Variants in GPBP1 observed in about 807,000 individuals in gnomAD.
GPBP1 encodes the protein vasculin.
GPBP1 carries 13 observed loss-of-function variants against 56.5 expected under a neutral mutation model. That is an observed-to-expected ratio of 0.23 (90% CI 0.15 to 0.37). The LOEUF is 0.37. GPBP1 is among the 10% of genes least tolerant of loss of function. The probability of loss-of-function intolerance (pLI) is 1.00; values close to 1 mark genes in which losing one functional copy is unlikely to be tolerated. For synonymous variants in GPBP1, 204 were observed against 188.9 expected (o/e 1.08, Z -0.66); for missense variants, 477 against 572.3 (o/e 0.83, Z 1.70).
At chr5:57,248,729 T>C (rs1741221065) in intron 8 of GPBP1, 2 of 152,212 alleles carry the variant, frequency 1.3e-5, no homozygotes. Context: ...CCACTATTTT[T>C]TATTTATGAT....
At chr5:57,177,914 T>C (rs1218414988) in intron 2 of GPBP1, among the ~76,000 whole-genome samples, 2 of 152,078 alleles carry the variant, frequency 1.3e-5, no homozygotes, top group Non-Finnish European at 2.9e-5. Flanking sequence ...CTAGCTCCCA[T>C]AGAGTGAAAG....
In GPBP1 at chr5:57,185,382, G is replaced by A. The variant is rs142376498; in HGVS notation, c.-58+8982G>A. On this transcript the variant is annotated intron_variant, in intron 2 of 11. Coordinates refer to ENST00000506184, the MANE Select transcript of GPBP1 (RefSeq NM_022913.4). ...GTTTAAGTGATTCTCCTGTCTCAGC[G>A]TCTGAGTAGCTGGGATTACAGGCAC... is the stretch of plus-strand genomic sequence containing the variant. Among the ~76,000 whole-genome samples the A allele has an allele frequency of 5.7e-3, 859 of 151,630 alleles. 10 individuals carry two copies. The highest frequency in any genetic ancestry group is 0.019 in the African/African-American group (803 of 41,334).
intron 2 of GPBP1, among the ~76,000 whole-genome samples, chr5:57,184,176 G>A (rs1220935538): frequency 6.6e-6 from 1 of 152,078 alleles, no homozygotes; most frequent in Non-Finnish European, 1.5e-5. Context: ...AGGTTGCAGT[G>A]AGCCGAGATC....
intron 6 of GPBP1, among the ~76,000 whole-genome samples, chr5:57,239,406 T>C (rs1196155793): frequency 6.6e-6 from 1 of 152,230 alleles, no homozygotes; most frequent in Non-Finnish European, 1.5e-5. Flanking sequence ...GGTGTTGATA[T>C]AAATTATAAC....
chr5:57,223,910 T>C (rs1756063824), intron 3 of GPBP1, among the ~76,000 whole-genome samples: 1 of 151,912 alleles, frequency 6.6e-6, no homozygotes, highest in Non-Finnish European at 1.5e-5. Context: ...CTCGGCTCAC[T>C]GCAAGCTCTG....
chr5:57,213,959 G>T, intron 2 of GPBP1, 115 bp from the exon 3 acceptor site: 1 of 554,818 alleles, frequency 1.8e-6, no homozygotes, highest in Non-Finnish European at 3.2e-6. Flanking sequence ...GTCTTTTCTA[G>T]ATTTTCATTA....
intron 6 of GPBP1, among the ~76,000 whole-genome samples, chr5:57,242,706 A>G (rs965119698): frequency 2.0e-5 from 3 of 152,128 alleles, no homozygotes; most frequent in African/African-American, 7.2e-5. Flanking sequence ...TTGGCCTCCG[A>G]AAGTGCTGGA....
intron 3 of GPBP1, among the ~76,000 whole-genome samples, chr5:57,222,616 G>T (rs947185837): frequency 6.6e-6 from 1 of 151,916 alleles, no homozygotes; most frequent in African/African-American, 2.4e-5. Flanking sequence ...AACTTTTGTT[G>T]AGTGGATCTA....
chr5:57,210,176 T>C (rs1040393031), intron 2 of GPBP1, among the ~76,000 whole-genome samples: 14 of 152,212 alleles, frequency 9.2e-5, no homozygotes, highest in African/African-American at 3.4e-4. Context: ...TCTTTTTCAG[T>C]CTGAAGAATA....
intron 2 of GPBP1, among the ~76,000 whole-genome samples, chr5:57,189,967 C>G (rs1754448114): frequency 6.6e-6 from 1 of 152,258 alleles, no homozygotes; most frequent in East Asian, 1.9e-4. Context: ...CTATTCAATA[C>G]TTTGATTTCT....
intron 5 of GPBP1, among the ~76,000 whole-genome samples, chr5:57,232,248 A>G (rs139665916): frequency 6.6e-6 from 1 of 152,170 alleles, no homozygotes; most frequent in Non-Finnish European, 1.5e-5. Context: ...TCGGCCTCCC[A>G]AAGGGCTGGG....
intron 2 of GPBP1, among the ~76,000 whole-genome samples, chr5:57,197,798 C>T: frequency 6.6e-6 from 1 of 150,900 alleles, no homozygotes. Flanking sequence ...TCTTTGTTTC[C>T]TTTTTATTCA....
At chr5:57,211,447 C>T (rs1483778933) in intron 2 of GPBP1, among the ~76,000 whole-genome samples, 8 of 152,224 alleles carry the variant, frequency 5.3e-5, no homozygotes, top group Admixed American at 4.6e-4. Context: ...CTTCACTTCC[C>T]AGAGTGCTGG....
At chr5:57,181,964 T>TG (rs1303297267) in intron 2 of GPBP1, among the ~76,000 whole-genome samples, 2 of 152,206 alleles carry the variant, frequency 1.3e-5, no homozygotes, top group African/African-American at 4.8e-5. Context: ...TGCAGATAAT[T>TG]GCTAGTTTCT....
chr5:57,187,000 AG>A (rs1754315660), intron 2 of GPBP1, among the ~76,000 whole-genome samples: 3 of 134,980 alleles, frequency 2.2e-5, no homozygotes, highest in African/African-American at 5.6e-5. Context: ...CTGGACTCAG[AG>A]AAGTGTGTGT....
At position 57,215,563 on chromosome 5, in the gene GPBP1, G is replaced by C. The variant is rs555539015; in HGVS notation, c.63+1370G>C. Reference sequence around the variant, plus strand: ...TTTTGAGGCCCAGTCTCCTGAGGTTGGTTCTGACCCTAGTAGGGCTCTCCT... The same window carrying C: ...TTTTGAGGCCCAGTCTCCTGAGGTTCGTTCTGACCCTAGTAGGGCTCTCCT... On this transcript the variant is annotated intron_variant, in intron 3 of 11. Transcript: ENST00000506184. 2.0e-5 allele frequency among the ~76,000 whole-genome samples: 3 copies of C among 152,284 alleles called. No individual in the cohort carries two copies. The South Asian group carries it at 6.2e-4, about 32-fold the overall frequency.
Position 57,191,802 on chromosome 5 carries a change from C to T in GPBP1, c.-58+15402C>T, listed in dbSNP as rs569749726. 2.6e-4 allele frequency among the ~76,000 whole-genome samples: 40 copies of T among 152,204 alleles called. 1 individual carries two copies. In the Middle Eastern group the frequency reaches 0.01, roughly 39 times the overall value. ...GTCTCAATCTCTTGACCTCATGATC[C>T]GCCCACCTCTGCCTCCCAAAGTGCT... On this transcript the variant is annotated intron_variant, in intron 2 of 11. Transcript: ENST00000506184.
intron 3 of GPBP1, among the ~76,000 whole-genome samples, chr5:57,219,404 C>CAAAAAAAA: frequency 4.0e-5 from 1 of 25,144 alleles, no homozygotes; most frequent in Non-Finnish European, 6.6e-5. Context: ...AAAAAAAAAA[C>CAAAAAAAA]CAAAAACAAA....
rs768355252 is a variant in GPBP1 at position 57,249,581 on chromosome 5, T to G, written c.972+5T>G. The G allele has an allele frequency of 1.5e-5, 24 of 1,597,636 alleles. No homozygotes were observed. The highest frequency in any genetic ancestry group is 2.0e-5 in the Non-Finnish European group (24 of 1,173,734). On this transcript the variant is annotated splice_donor_5th_base_variant and intron_variant, in intron 9 of 11. Transcript: ENST00000506184. Reference sequence around the variant, plus strand: ...AGCCGTGCTGGCTCAGAGAAGGTAATTGAATTTATAGCAATACTTGATTTG... The same window carrying G: ...AGCCGTGCTGGCTCAGAGAAGGTAAGTGAATTTATAGCAATACTTGATTTG...
Sources: gnomAD v4.1 joint callset for allele counts (sites outside exome capture counted in the v4.1 genomes callset) on GRCh38, gnomAD v4.1.1 for gene constraint, MANE v1.5 for transcripts, NCBI Gene and HGNC (gene_info 2026-07-23, HGNC 2026-07-21) for gene names.